Variants in LACTB observed in about 807,000 individuals in gnomAD.
LACTB encodes the protein lactamase beta, also known as serine beta-lactamase-like protein LACTB, mitochondrial.
Under a neutral mutation model 50.2 loss-of-function variants are expected in LACTB, and 35 were observed. That is an observed-to-expected ratio of 0.70 (90% confidence interval 0.53 to 0.92). The LOEUF (loss-of-function observed/expected upper bound fraction) is 0.92. LACTB is among the 40% of genes least tolerant of loss of function. The pLI is 0.00. For missense variants in LACTB, 664 were observed against 691.8 expected (o/e 0.96, Z 0.45); for synonymous variants, 252 against 268.2 (o/e 0.94, Z 0.59).
rs1366678677 is a variant in LACTB, at chr15:63,121,955, T to C, written c.84T>C (p.His28=). Residue 28 remains histidine (H), a synonymous_variant, in exon 1 of 6, where the codon CAT becomes CAC. Transcript: ENST00000261893. The stretch of plus-strand genomic sequence containing the variant: ...CAAGCTGCGGACGACGCGGGGTCCA[T>C]CAGCGCGCCGGGCTGCCGCCTCTCG... The part of the protein sequence containing the change: ...LASSCGRRGV[H]QRAGLPPLGH... The C allele has an allele frequency of 7.2e-7, 1 of 1,392,574 alleles. No homozygotes were observed. The highest frequency in any genetic ancestry group is 9.2e-7 in the Non-Finnish European group (1 of 1,082,022). The allele number at this position is 1,392,574 out of a possible 1,614,324, so 86.3% of individuals were successfully genotyped here.
chr15:63,132,039 TCC>T (rs1056981755), intron 5 of LACTB, among the ~76,000 whole-genome samples: 8 of 152,142 alleles, frequency 5.3e-5, no homozygotes, highest in African/African-American at 1.9e-4. Flanking sequence ...AACATGGTAA[TCC>T]CCTAATTTCT....
At chr15:63,140,986 A>C in intron 5 of LACTB, 1 of 983,908 alleles carries the variant, frequency 1.0e-6, no homozygotes, top group Non-Finnish European at 1.2e-6. Context: ...AATATTAACC[A>C]ATACATTTTT....
intron 5 of LACTB, among the ~76,000 whole-genome samples, chr15:63,133,653 A>T (rs1255044295): frequency 6.6e-6 from 1 of 152,214 alleles, no homozygotes; most frequent in Non-Finnish European, 1.5e-5. Context: ...AAATAAAACA[A>T]GCACAAGACT....
intron 2 of LACTB, among the ~76,000 whole-genome samples, chr15:63,123,412 C>G (rs117721795): frequency 0.017 from 2,529 of 152,226 alleles, 34 homozygotes; most frequent in Non-Finnish European, 0.024. Context: ...GTGCTAAGTA[C>G]TGGGGTTATA....
At chr15:63,122,329 C>G (rs2141066079) in intron 1 of LACTB, 101 bp downstream of exon 1, 1 of 1,012,540 alleles carries the variant, frequency 9.9e-7, no homozygotes, top group South Asian at 1.7e-5. Context: ...GCGGGGTGCC[C>G]GCGATCGGCT....
chr15:63,125,937 C>CA (rs1274905537), intron 2 of LACTB: 4 of 151,230 alleles, frequency 2.6e-5, no homozygotes, highest in African/African-American at 7.3e-5. Flanking sequence ...ATCCTGAGCT[C>CA]AAGTAATCCA....
intron 4 of LACTB, 21 bp downstream of exon 4, chr15:63,127,710 T>G (rs1162880197): frequency 7.0e-7 from 1 of 1,435,384 alleles, no homozygotes; most frequent in East Asian, 2.3e-5. Flanking sequence ...ATCCCTTCTC[T>G]TAACAAAATC....
At chr15:63,139,688 G>A (rs1019760506) in intron 5 of LACTB, among the ~76,000 whole-genome samples, 2 of 151,320 alleles carry the variant, frequency 1.3e-5, no homozygotes, top group Non-Finnish European at 3.0e-5. Context: ...AAAAAAATTA[G>A]CTGGGCATGG....
chr15:63,137,376 T>C (rs371032833), intron 5 of LACTB, among the ~76,000 whole-genome samples: 7 of 152,346 alleles, frequency 4.6e-5, no homozygotes, highest in East Asian at 1.9e-4. Context: ...TTTGGCACAA[T>C]GTTTGCAACA....
Position 63,127,384 on chromosome 15 carries a change from A to G in LACTB, c.647A>G (p.His216Arg), listed in dbSNP as rs2037066704. ...GTCACAACAAGATTACTGATTTCCC[A>G]TTTAAGTGGAATTCGTCATTATGAA... The part of the protein sequence containing the change: ...VSVTTRLLIS[H>R]LSGIRHYEKD... Residue 216 changes from histidine to arginine, a missense_variant, in exon 4 of 6, where the codon CAT becomes CGT. His to Arg is a conservative substitution (Grantham distance 29). Coordinates refer to ENST00000261893, the MANE Select transcript of LACTB (RefSeq NM_032857.5). 6.3e-7 allele frequency: 1 copy of G among 1,576,090 alleles called. No homozygotes were observed. Among genetic ancestry groups the G allele is most frequent in the Non-Finnish European group, 8.6e-7 (1 of 1,166,820 alleles).
At chr15:63,132,635 T>C (rs1434660704) in intron 5 of LACTB, among the ~76,000 whole-genome samples, 2 of 151,908 alleles carry the variant, frequency 1.3e-5, no homozygotes, top group Non-Finnish European at 2.9e-5. Context: ...CTGGGTAATA[T>C]GGTAACACCC....
rs1246443177 is a variant in LACTB at position 63,141,285 on chromosome 15, A to G, written c.1124A>G (p.Tyr375Cys). ...CATTTCTTATTTCCTTTTAGATTTT[A>G]TGTTTACAATAAAAAGAAACGTCTT... The part of the protein sequence containing the change: ...EPVIYNRARF[Y>C]VYNKKKRLVN... Residue 375 changes from tyrosine to cysteine, a missense_variant, in exon 6 of 6, where the codon TAT (tyrosine) becomes TGT (cysteine). Tyr to Cys is a radical substitution (Grantham distance 194, BLOSUM62 -2). Coordinates refer to ENST00000261893, the MANE Select transcript of LACTB (RefSeq NM_032857.5). The G allele has an allele frequency of 6.3e-7, 1 of 1,585,064 alleles. No individual in the cohort carries two copies. Among genetic ancestry groups the G allele is most frequent in the Non-Finnish European group, 8.6e-7 (1 of 1,166,124 alleles).
chr15:63,122,627 C>A lies in LACTB; in HGVS notation c.358-9C>A, dbSNP rs372412527. ...CCGTAACTGTCGGTTCTTTCCCCTT[C>A]GGTCTTAGGATGAGGTGGGCGCACC... On this transcript the variant is annotated splice_polypyrimidine_tract_variant and intron_variant, in intron 1 of 5. Coordinates refer to ENST00000261893, the MANE Select transcript of LACTB (RefSeq NM_032857.5). 6 of 1,609,958 alleles carry A rather than the reference C, an allele frequency of 3.7e-6. No individual in the cohort carries two copies. Among genetic ancestry groups the A allele is most frequent in the East Asian group, 2.2e-5 (1 of 44,854 alleles).
intron 4 of LACTB, 59 bp from the exon 5 acceptor site, chr15:63,129,426 A>G (rs775115389): frequency 7.2e-6 from 10 of 1,393,224 alleles, no homozygotes; most frequent in South Asian, 1.6e-5. Flanking sequence ...TATATTTTAT[A>G]TGTTTTTGAA....
At chr15:63,140,737 T>C (rs534142231) in intron 5 of LACTB, among the ~76,000 whole-genome samples, 2 of 152,270 alleles carry the variant, frequency 1.3e-5, no homozygotes, top group African/African-American at 4.8e-5. Flanking sequence ...TGCCTTAGCC[T>C]CCTGAGTTGC....
chr15:63,140,656 A>AT (rs1386050283), intron 5 of LACTB, among the ~76,000 whole-genome samples: 1 of 151,550 alleles, frequency 6.6e-6, no homozygotes, highest in Non-Finnish European at 1.5e-5. Context: ...TTTGTTTAGA[A>AT]TTTTTTTTTA....
chr15:63,139,183 T>C (rs1201231746), intron 5 of LACTB, among the ~76,000 whole-genome samples: 1 of 98,766 alleles, frequency 1.0e-5, no homozygotes, highest in East Asian at 3.1e-4. Context: ...GCCCCGTCTC[T>C]ACTAAAAATC....
intron 2 of LACTB, among the ~76,000 whole-genome samples, chr15:63,124,960 AG>A (rs2141068575): frequency 3.2e-5 from 2 of 62,852 alleles, no homozygotes; most frequent in East Asian, 0.048. Context: ...TCAAAAAAAA[AG>A]AAAAAAAAAT....
intron 2 of LACTB, among the ~76,000 whole-genome samples, chr15:63,126,540 C>T (rs2037055891): frequency 6.6e-6 from 1 of 152,140 alleles, no homozygotes; most frequent in South Asian, 2.1e-4. Flanking sequence ...ATGATGTTTT[C>T]TTTAAAGAAT....
Sources: allele counts gnomAD v4.1 joint callset (sites outside exome capture counted in the v4.1 genomes callset), GRCh38; gene constraint gnomAD v4.1.1; transcripts MANE v1.5; gene names NCBI Gene and HGNC (gene_info 2026-07-23, HGNC 2026-07-21).